Variants in ZFHX3 observed in about 807,000 individuals in gnomAD.
The protein encoded by ZFHX3 is zinc finger homeobox 3, also known as zinc finger homeobox protein 3.
Under a neutral mutation model 279.1 loss-of-function variants are expected in ZFHX3, and 42 were observed. The ratio of observed to expected loss-of-function variants is 0.15; its 90% CI spans 0.12 to 0.19. ZFHX3 has a LOEUF of 0.19. Ranked by LOEUF, ZFHX3 falls within the 10% of genes least tolerant of loss-of-function variation. The pLI is 1.00. For missense variants in ZFHX3, 4,981 were observed against 4,754.0 expected (o/e 1.05, Z -1.40); for synonymous variants, 2,293 against 1,957.8 (o/e 1.17, Z -4.52).
chr16:73,042,310 C>T (rs1034894500), intron 1 of ZFHX3, among the ~76,000 whole-genome samples: 2 of 152,114 alleles, frequency 1.3e-5, no homozygotes, highest in Non-Finnish European at 2.9e-5. Context: ...CAGAGGCAGT[C>T]GCCTCTGAAC....
intron 3 of ZFHX3, among the ~76,000 whole-genome samples, chr16:72,917,696 A>C (rs758868897): frequency 2.0e-5 from 3 of 152,268 alleles, no homozygotes; most frequent in Non-Finnish European, 4.4e-5. Context: ...TCTGTACAGA[A>C]GAGGCCAAAA....
chr16:73,501,335 C>T (rs2019235737), intron 2 of ZFHX3, among the ~76,000 whole-genome samples: 2 of 152,168 alleles, frequency 1.3e-5, no homozygotes, highest in Admixed American at 1.3e-4. Context: ...CATGGTTGTA[C>T]ACACACTCAC....
At chr16:72,790,103 C>T (rs907719215) in intron 9 of ZFHX3, 1 of 152,318 alleles carries the variant, frequency 6.6e-6, no homozygotes, top group Non-Finnish European at 1.5e-5. Flanking sequence ...TGACCCATAG[C>T]TATCTCCTGG....
At chr16:72,981,718 C>T (rs893648020) in intron 1 of ZFHX3, among the ~76,000 whole-genome samples, 2 of 152,076 alleles carry the variant, frequency 1.3e-5, no homozygotes, top group Admixed American at 6.5e-5. Context: ...AACTTCAATA[C>T]GCATCACCAT....
chr16:73,252,040 G>A (rs1286606900), intron 5 of ZFHX3, among the ~76,000 whole-genome samples: 1 of 151,256 alleles, frequency 6.6e-6, no homozygotes, highest in Non-Finnish European at 1.5e-5. Context: ...AGTGAGGGGT[G>A]GGGAGGGAGC....
chr16:73,610,484 C>T (rs950416955), intron 2 of ZFHX3, among the ~76,000 whole-genome samples: 5 of 152,144 alleles, frequency 3.3e-5, no homozygotes, highest in Admixed American at 6.6e-5. Flanking sequence ...TCTGAAAATG[C>T]TTTGCTTTGC....
At chr16:73,216,095 G>C (rs2012196095) in intron 5 of ZFHX3, among the ~76,000 whole-genome samples, 1 of 152,166 alleles carries the variant, frequency 6.6e-6, no homozygotes, top group Non-Finnish European at 1.5e-5. Flanking sequence ...AAGCACAGAA[G>C]AACCAAAGCA....
intron 1 of ZFHX3, among the ~76,000 whole-genome samples, chr16:73,039,491 G>A (rs1478440188): frequency 2.6e-5 from 4 of 152,172 alleles, no homozygotes; most frequent in Non-Finnish European, 5.9e-5. Flanking sequence ...CCAAGGGACA[G>A]TGGGCAATTC....
chr16:73,761,273 A>G (rs1238029049), intron 1 of ZFHX3, among the ~76,000 whole-genome samples: 2 of 152,146 alleles, frequency 1.3e-5, no homozygotes, highest in Non-Finnish European at 1.5e-5. Context: ...GAATACAGCT[A>G]ACAGGGGAAG....
intron 2 of ZFHX3, among the ~76,000 whole-genome samples, chr16:73,610,398 G>T (rs1451239030): frequency 1.3e-5 from 2 of 152,168 alleles, no homozygotes; most frequent in Non-Finnish European, 2.9e-5. Flanking sequence ...CGGGTATAGG[G>T]AGGCATGTTT....
chr16:73,821,254 C>T (rs1960732308), intron 1 of ZFHX3, among the ~76,000 whole-genome samples: 1 of 152,194 alleles, frequency 6.6e-6, no homozygotes, highest in Non-Finnish European at 1.5e-5. Flanking sequence ...GTCATAAAAT[C>T]AGCTGTTGTT....
At chr16:72,842,957 A>T (rs1438747401) in intron 4 of ZFHX3, among the ~76,000 whole-genome samples, 1 of 152,234 alleles carries the variant, frequency 6.6e-6, no homozygotes, top group Non-Finnish European at 1.5e-5. Context: ...ATTTAGCTGG[A>T]TACAATTAGG....
At chr16:73,346,687 G>T (rs1226459700) in intron 3 of ZFHX3, among the ~76,000 whole-genome samples, 1 of 152,082 alleles carries the variant, frequency 6.6e-6, no homozygotes, top group Non-Finnish European at 1.5e-5. Flanking sequence ...GGCCAAGCTG[G>T]TCTCAAACTC....
At chr16:73,354,804 C>T (rs932504118) in intron 3 of ZFHX3, among the ~76,000 whole-genome samples, 5 of 152,200 alleles carry the variant, frequency 3.3e-5, no homozygotes, top group African/African-American at 1.2e-4. Context: ...CAATTCATCA[C>T]CCTGAGTATC....
chr16:73,148,395 T>C (rs772740946), intron 5 of ZFHX3, among the ~76,000 whole-genome samples: 2 of 152,170 alleles, frequency 1.3e-5, no homozygotes, highest in Admixed American at 6.5e-5. Flanking sequence ...TAATCTATGG[T>C]TGGTAGAAAT....
At chr16:73,723,307 T>C (rs988882430) in intron 1 of ZFHX3, among the ~76,000 whole-genome samples, 3 of 152,186 alleles carry the variant, frequency 2.0e-5, no homozygotes, top group East Asian at 3.8e-4. Flanking sequence ...AAAAATAAGA[T>C]ATTCAGAAGG....
chr16:72,924,820 C>A (rs1167636437), intron 3 of ZFHX3, among the ~76,000 whole-genome samples: 1 of 152,236 alleles, frequency 6.6e-6, no homozygotes, highest in African/African-American at 2.4e-5. Flanking sequence ...CTCCCTTTAA[C>A]TTCCTTTTTT....
In ZFHX3 at chr16:73,816,485, G is replaced by A. The variant is rs1960574781; in HGVS notation, c.-1608+75166C>T. On this transcript the variant is annotated intron_variant, in intron 1 of 17. Transcript: ENST00000641206. ...CTCATTCATTTATGTATCATCTGTGGCTGCTTTCACTTTGCAATGGCAGAA... is the reference window on the plus strand; with the variant it reads ...CTCATTCATTTATGTATCATCTGTGACTGCTTTCACTTTGCAATGGCAGAA... Among the ~76,000 whole-genome samples the A allele has an allele frequency of 3.3e-5, 5 of 152,118 alleles. No homozygotes were observed. In the South Asian group the frequency reaches 1.0e-3, roughly 32 times the overall value.
intron 1 of ZFHX3, among the ~76,000 whole-genome samples, chr16:73,766,562 A>C (rs189382079): frequency 2.0e-5 from 3 of 152,352 alleles, no homozygotes; most frequent in Non-Finnish European, 2.9e-5. Flanking sequence ...GGAATAAAGA[A>C]GAAACTTAGA....
Sources: allele counts gnomAD v4.1 joint callset (sites outside exome capture counted in the v4.1 genomes callset), GRCh38; gene constraint gnomAD v4.1.1; transcripts MANE v1.5; gene names NCBI Gene and HGNC (gene_info 2026-07-23, HGNC 2026-07-21).